Variants in UNC13C observed in about 807,000 individuals in gnomAD.
UNC13C encodes the protein unc-13 homolog C.
A neutral mutation model predicts 245.4 loss-of-function variants in UNC13C; 174 were observed. That is an observed-to-expected ratio of 0.71 (90% CI 0.63 to 0.80). The LOEUF (loss-of-function observed/expected upper bound fraction) is 0.80. Among genes scored for constraint, UNC13C ranks in the 30% least tolerant of loss-of-function variants. The pLI, the probability that UNC13C is intolerant of heterozygous loss-of-function variation, is 0.00. For missense variants in UNC13C, 2,829 were observed against 2,602.9 expected, an observed-to-expected ratio of 1.09 and a Z score of -1.89; for synonymous variants, 992 against 895.1, an observed-to-expected ratio of 1.11 and a Z score of -1.93.
intron 25 of UNC13C, among the ~76,000 whole-genome samples, chr15:54,527,312 A>C (rs1302112375): frequency 6.6e-6 from 1 of 152,144 alleles, no homozygotes; most frequent in Non-Finnish European, 1.5e-5. Context: ...GTTGCAAATT[A>C]ACATGGGGTT....
At chr15:54,035,648 T>C (rs1566964985) in intron 2 of UNC13C, among the ~76,000 whole-genome samples, 1 of 152,166 alleles carries the variant, frequency 6.6e-6, no homozygotes, top group Non-Finnish European at 1.5e-5. Flanking sequence ...TACAGAGAGA[T>C]GCCTGTGTCC....
rs149451789 is a variant in UNC13C, at chr15:54,204,777, G to A, written c.3072-30253G>A. Reference sequence around the variant, plus strand: ...AAAGAATTATTATCACAAAATTCAGGATAGTAGTTAACTTTGGAGGAGAGG... The same window carrying A: ...AAAGAATTATTATCACAAAATTCAGAATAGTAGTTAACTTTGGAGGAGAGG... On this transcript the variant is annotated intron_variant, in intron 4 of 32. Coordinates refer to ENST00000260323, the MANE Select transcript of UNC13C (RefSeq NM_001080534.3). 3.9e-5 allele frequency among the ~76,000 whole-genome samples: 6 copies of A among 152,054 alleles called. No individual in the cohort carries two copies. In the East Asian group the frequency reaches 1.2e-3, roughly 29 times the overall value.
chr15:53,978,206 G>A (rs1048569275), upstream of UNC13C, among the ~76,000 whole-genome samples: 2 of 152,262 alleles, frequency 1.3e-5, no homozygotes, highest in Non-Finnish European at 2.9e-5. Flanking sequence ...ATAAAGGGAA[G>A]ATAGGCTGAG....
At chr15:54,360,214 G>C (rs983320451) in intron 17 of UNC13C, among the ~76,000 whole-genome samples, 2 of 152,014 alleles carry the variant, frequency 1.3e-5, no homozygotes, top group South Asian at 2.1e-4. Flanking sequence ...CCTGTTCTGT[G>C]ACCTAACATA....
the UNC13C span, among the ~76,000 whole-genome samples, chr15:53,897,430 A>G: frequency 6.6e-6 from 1 of 152,182 alleles, no homozygotes; most frequent in Non-Finnish European, 1.5e-5. Context: ...AATTTTATAC[A>G]TACATTTATT....
At chr15:54,012,014 TA>T (rs748355407) in intron 1 of UNC13C, among the ~76,000 whole-genome samples, 8 of 152,218 alleles carry the variant, frequency 5.3e-5, no homozygotes, top group Non-Finnish European at 8.8e-5. Context: ...ACTGATAAAA[TA>T]TTAAGTTCAA....
intron 30 of UNC13C, among the ~76,000 whole-genome samples, chr15:54,597,317 A>T (rs1251055911): frequency 6.6e-6 from 1 of 152,236 alleles, no homozygotes; most frequent in Non-Finnish European, 1.5e-5. Context: ...AGCCAAGGGC[A>T]ATAGCAGCGT....
At chr15:54,124,532 G>A (rs1595883992) in intron 2 of UNC13C, among the ~76,000 whole-genome samples, 2 of 152,024 alleles carry the variant, frequency 1.3e-5, no homozygotes, top group Admixed American at 1.3e-4. Flanking sequence ...ACAGAAACTA[G>A]TCCTTTGGTG....
intron 17 of UNC13C, among the ~76,000 whole-genome samples, chr15:54,348,062 G>A (rs911666173): frequency 6.6e-5 from 10 of 152,072 alleles, no homozygotes; most frequent in Admixed American, 3.3e-4. Context: ...AATTTTTAAA[G>A]CTCAATATTA....
intron 30 of UNC13C, among the ~76,000 whole-genome samples, chr15:54,612,290 C>CTTA (rs1566939045): frequency 2.7e-3 from 405 of 151,416 alleles, no homozygotes; most frequent in African/African-American, 9.5e-3. Context: ...ATGCTAGATA[C>CTTA]CTTAAAGGTG....
At chr15:53,997,556 T>G (rs1277278292) in intron 1 of UNC13C, among the ~76,000 whole-genome samples, 1 of 152,168 alleles carries the variant, frequency 6.6e-6, no homozygotes, top group East Asian at 1.9e-4. Flanking sequence ...TAATTCTGTA[T>G]GCAGAATTAT....
chr15:54,455,111 C>T (rs1019784193), intron 19 of UNC13C, among the ~76,000 whole-genome samples: 5 of 146,864 alleles, frequency 3.4e-5, no homozygotes, highest in African/African-American at 1.3e-4. Context: ...CCAACTCCAT[C>T]TAGGTTGCTG....
At chr15:54,208,218 T>TG (rs2034774739) in intron 4 of UNC13C, among the ~76,000 whole-genome samples, 1 of 152,046 alleles carries the variant, frequency 6.6e-6, no homozygotes, top group African/African-American at 2.4e-5. Context: ...AGAACTCACT[T>TG]ATCACCAAGG....
At chr15:53,911,010 G>A in the UNC13C span, 1 of 152,268 alleles carries the variant, frequency 6.6e-6, no homozygotes. Context: ...GCTTGGATGA[G>A]CCCCAGTGGA....
At chr15:54,617,561 A>G (rs1240385129) in intron 30 of UNC13C, among the ~76,000 whole-genome samples, 6 of 152,110 alleles carry the variant, frequency 3.9e-5, no homozygotes, top group Non-Finnish European at 5.9e-5. Context: ...TACCTGAAGC[A>G]CTTAGCACAA....
intron 19 of UNC13C, among the ~76,000 whole-genome samples, chr15:54,490,167 A>G (rs1156388434): frequency 1.3e-5 from 2 of 152,224 alleles, no homozygotes; most frequent in African/African-American, 4.8e-5. Flanking sequence ...TTTTCCCAGC[A>G]AAGAGGCTGG....
chr15:54,143,125 C>G, intron 3 of UNC13C, 85 bp downstream of exon 3: 1 of 1,314,794 alleles, frequency 7.6e-7, no homozygotes, highest in Non-Finnish European at 1.1e-6. Flanking sequence ...CTGTTTGATT[C>G]CTCTGTTTTA....
intron 2 of UNC13C, among the ~76,000 whole-genome samples, chr15:54,060,210 C>A (rs1897747054): frequency 6.6e-6 from 1 of 152,120 alleles, no homozygotes; most frequent in South Asian, 2.1e-4. Flanking sequence ...ATTTTTGCAA[C>A]CTACTCACCT....
rs576160262 is a variant in UNC13C, at chr15:54,250,126, C to A, written c.3229-99C>A. On this transcript the variant is annotated intron_variant, in intron 7 of 32. Transcript: ENST00000260323. ...GTGATCCAGGGGCTCTCTCAAAATA[C>A]CATTTTCAGAGAAAAGTGATAAAAT... 405 of 1,155,616 alleles carry A rather than the reference C, an allele frequency of 3.5e-4. 9 individuals are homozygous for A. In the South Asian group the frequency reaches 5.3e-3, roughly 15 times the overall value. The allele number at this position is 1,155,616 out of a possible 1,614,324, so 71.6% of individuals were successfully genotyped here. A position where few individuals can be genotyped will look rare whatever the true frequency, so the allele number is the denominator to read the frequency against.
Sources: allele counts gnomAD v4.1 joint callset (sites outside exome capture counted in the v4.1 genomes callset), GRCh38; gene constraint gnomAD v4.1.1; transcripts MANE v1.5; gene names NCBI Gene and HGNC (gene_info 2026-07-23, HGNC 2026-07-21).